NELFB: variants seen among roughly 807,000 people sequenced by gnomAD.
NELFB encodes the protein negative elongation factor complex member B.
NELFB carries 34 observed loss-of-function variants against 60.2 expected under a neutral mutation model. That is an observed-to-expected ratio of 0.56 (90% confidence interval 0.43 to 0.75). NELFB has a LOEUF of 0.75. NELFB is among the 30% of genes least tolerant of loss of function. The pLI, the probability that NELFB is intolerant of heterozygous loss-of-function variation, is 0.00. For synonymous variants in NELFB, 459 were observed against 382.1 expected, an observed-to-expected ratio of 1.20 and a Z score of -2.35; for missense variants, 770 against 831.6, an observed-to-expected ratio of 0.93 and a Z score of 0.91.
intron 10 of NELFB, 41 bp from the exon 11 acceptor site, chr9:137,272,040 C>T (rs1216863874): frequency 6.2e-7 from 1 of 1,611,762 alleles, no homozygotes; most frequent in Non-Finnish European, 8.5e-7. Context: ...CTGGGGTGGG[C>T]AGGGTGAGTG....
chr9:137,258,118 G>GTTT (rs56338605), intron 4 of NELFB, among the ~76,000 whole-genome samples: 2 of 84,464 alleles, frequency 2.4e-5, no homozygotes, highest in African/African-American at 4.8e-5. Context: ...ATTTGTTGGG[G>GTTT]TTTTTTTTTT....
chr9:137,266,101 C>A, intron 7 of NELFB, 122 bp downstream of exon 7: 1 of 833,816 alleles, frequency 1.2e-6, no homozygotes, highest in Non-Finnish European at 1.9e-6. Flanking sequence ...CTGTGGCCGC[C>A]CTGCTGGCTG....
rs181298339 is a variant in NELFB at position 137,260,157 on chromosome 9, C to T, written c.742-2880C>T. On this transcript the variant is annotated intron_variant, in intron 4 of 12. Coordinates refer to ENST00000343053, the MANE Select transcript of NELFB (RefSeq NM_015456.5). ...CTCCGCCTCCCGGGTTCACTCCGTT[C>T]TCCTGCCTCAGCCTCCCGAGTGGCT... Among the ~76,000 whole-genome samples the T allele has an allele frequency of 1.2e-3, 176 of 151,354 alleles. 1 individual carries two copies. In the East Asian group the frequency reaches 0.03, roughly 26 times the overall value.
intron 8 of NELFB, 62 bp from the exon 9 acceptor site, chr9:137,266,882 C>T (rs9330192): frequency 0.74 from 1,166,401 of 1,575,252 alleles, 433,387 homozygotes; most frequent in Admixed American, 0.8. Context: ...GTGTGTGTCA[C>T]GTCAGGGTGG....
chr9:137,267,240 G>A lies in NELFB; in HGVS notation c.1383G>A (p.Lys461=), dbSNP rs1231507355. ...GGGGCTGATGGCGCCCCGGGCGCAG[G>A]TTTCTGCAGGAGCAGCGCATGGCCT... is the stretch of plus-strand genomic sequence containing the variant. The change falls in exon 10 of 13, where the codon AAG becomes AAA. Residue 461 remains lysine, a splice_region_variant and synonymous_variant. Transcript: ENST00000343053. 4 of 1,611,466 alleles carry A rather than the reference G, an allele frequency of 2.5e-6. No individual in the cohort carries two copies. Among genetic ancestry groups the A allele is most frequent in the Non-Finnish European group, 2.5e-6 (3 of 1,178,458 alleles).
rs901412613 is a variant in NELFB, at chr9:137,273,097, C to T, written c.*169C>T. 22 of 691,216 alleles carry T rather than the reference C, an allele frequency of 3.2e-5. No homozygotes were observed. The highest frequency in any genetic ancestry group is 1.9e-4 in the South Asian group (8 of 41,426). The allele number at this position is 691,216 out of a possible 1,614,324, so 42.8% of individuals were successfully genotyped here. On this transcript the variant is annotated 3_prime_UTR_variant, in exon 13 of 13. Transcript: ENST00000343053. ...CTTCCTGCTCCTTGGAGCTGGCTCC[C>T]GGACCTTGCCCACCATCCATGCAGT... is the stretch of plus-strand genomic sequence containing the variant.
At chr9:137,259,900 AT>A (rs1188166723) in intron 4 of NELFB, among the ~76,000 whole-genome samples, 106 of 129,078 alleles carry the variant, frequency 8.2e-4, no homozygotes, top group Admixed American at 7.0e-4. Context: ...AATTTTTTGT[AT>A]TTTTTTTTTT....
At chr9:137,266,231 TG>T in intron 7 of NELFB, 99 bp from the exon 8 acceptor site, 1 of 1,051,788 alleles carries the variant, frequency 9.5e-7, no homozygotes, top group Non-Finnish European at 1.4e-6. Flanking sequence ...GTCCTGGCCA[TG>T]GGCACCAGAG....
chr9:137,272,240 C>T lies in NELFB; in HGVS notation c.1631+18C>T, dbSNP rs748305031. 11 of 1,613,432 alleles carry T rather than the reference C, an allele frequency of 6.8e-6. No individual in the cohort carries two copies. The African/African-American group carries it at 9.3e-5, about 14-fold the overall frequency. ...TCTCCAAGGTAGGCCTGCTGGGTAC[C>T]ATCCGGCCCGCTCTGTCCTCTCAGC... On this transcript the variant is annotated intron_variant, in intron 11 of 12. Transcript: ENST00000343053.
chr9:137,256,324 T>A lies in NELFB; in HGVS notation c.411-5T>A, dbSNP rs751343743. ...CTGCACCATCAATCCTGTGAGTTGTTCCAGGTACAAGAAGCTGGAAGACCT... is the reference window on the plus strand; with the variant it reads ...CTGCACCATCAATCCTGTGAGTTGTACCAGGTACAAGAAGCTGGAAGACCT... On this transcript the variant is annotated splice_region_variant and splice_polypyrimidine_tract_variant and intron_variant, in intron 2 of 12. Coordinates refer to ENST00000343053, the MANE Select transcript of NELFB (RefSeq NM_015456.5). The A allele has an allele frequency of 1.2e-6, 2 of 1,613,470 alleles. No individual in the cohort carries two copies. Among genetic ancestry groups the A allele is most frequent in the South Asian group, 2.2e-5 (2 of 91,070 alleles).
At position 137,257,069 on chromosome 9, in the gene NELFB, C is replaced by G. The variant is rs1554790633; in HGVS notation, c.741+15C>G. The G allele has an allele frequency of 1.2e-6, 2 of 1,604,650 alleles. No individual in the cohort carries two copies. Among genetic ancestry groups the G allele is most frequent in the East Asian group, 2.2e-5 (1 of 44,734 alleles). On this transcript the variant is annotated intron_variant, in intron 4 of 12. Transcript: ENST00000343053. Reference sequence around the variant, plus strand: ...GCCAGGGCGAGGTGAGGGGACAGGCCGTGTGCGGGGTGGGGCACCTCTTGG... The same window carrying G: ...GCCAGGGCGAGGTGAGGGGACAGGCGGTGTGCGGGGTGGGGCACCTCTTGG...
intron 4 of NELFB, among the ~76,000 whole-genome samples, chr9:137,260,427 A>G (rs1447129916): frequency 8.6e-6 from 1 of 116,612 alleles, no homozygotes; most frequent in Non-Finnish European, 1.9e-5. Flanking sequence ...TTAATTTTAT[A>G]TTTTGTTTTA....
chr9:137,263,768 G>A (rs763500215), intron 5 of NELFB, among the ~76,000 whole-genome samples: 1 of 151,992 alleles, frequency 6.6e-6, no homozygotes. Flanking sequence ...TATGACCTAC[G>A]GGCTGGACCT....
intron 10 of NELFB, among the ~76,000 whole-genome samples, chr9:137,268,151 GAT>G (rs1830542407): frequency 6.6e-6 from 1 of 152,168 alleles, no homozygotes; most frequent in Non-Finnish European, 1.5e-5. Context: ...TCCCATGGGA[GAT>G]GGGGCCTCTT....
Position 137,257,262 on chromosome 9 carries a change from T to C in NELFB, c.741+208T>C, listed in dbSNP as rs563209290. Among the ~76,000 whole-genome samples, 8 of 152,384 alleles carry C rather than the reference T, an allele frequency of 5.2e-5. No homozygotes were observed. The East Asian group carries it at 1.5e-3, about 29-fold the overall frequency. On this transcript the variant is annotated intron_variant, in intron 4 of 12. Transcript: ENST00000343053. ...GTTTGCATTTTACTTTTCGTTAAAG[T>C]GATATATGGACAACATTTAAAATCT...
chr9:137,256,352 T>C lies in NELFB; in HGVS notation c.434T>C (p.Leu145Pro). Residue 145 changes from leucine (L) to proline (P), a missense_variant, in exon 3 of 13, where the codon CTG becomes CCG. Physicochemically the swap from Leu to Pro is moderately conservative, Grantham distance 98. Coordinates refer to ENST00000343053, the MANE Select transcript of NELFB (RefSeq NM_015456.5). ...AGGTACAAGAAGCTGGAAGACCTTC[T>C]GGAGAAGAGCTTTTCTCTGGTGAAG... 6.2e-7 allele frequency: 1 copy of C among 1,614,082 alleles called. No homozygotes were observed. Among genetic ancestry groups the C allele is most frequent in the South Asian group, 1.1e-5 (1 of 91,082 alleles).
chr9:137,261,841 T>C (rs975686497), intron 4 of NELFB, among the ~76,000 whole-genome samples: 1 of 151,076 alleles, frequency 6.6e-6, no homozygotes, highest in Non-Finnish European at 1.5e-5. Flanking sequence ...TGGCCCCGAA[T>C]GTCAGGCTGC....
rs371000438 is a variant in NELFB, at chr9:137,265,863, C to T, written c.1041-14C>T. Reference sequence around the variant, plus strand: ...AACAGGCGTCGCATTAATGCCAGGGCGGCCTCCTTCCAGGGACCTGTCCAT... The same window carrying T: ...AACAGGCGTCGCATTAATGCCAGGGTGGCCTCCTTCCAGGGACCTGTCCAT... On this transcript the variant is annotated splice_polypyrimidine_tract_variant and intron_variant, in intron 6 of 12. Transcript: ENST00000343053. The T allele has an allele frequency of 7.6e-6, 12 of 1,582,322 alleles. No individual in the cohort carries two copies. The highest frequency in any genetic ancestry group is 1.7e-4 in the Middle Eastern group (1 of 6,036).
intron 4 of NELFB, among the ~76,000 whole-genome samples, chr9:137,260,026 G>A (rs1159792117): frequency 6.7e-6 from 1 of 150,216 alleles, no homozygotes; most frequent in South Asian, 2.1e-4. Context: ...CACCGTGCCT[G>A]GCCTATTTTT....
Sources: allele counts gnomAD v4.1 joint callset (sites outside exome capture counted in the v4.1 genomes callset), GRCh38; gene constraint gnomAD v4.1.1; transcripts MANE v1.5; gene names NCBI Gene and HGNC (gene_info 2026-07-23, HGNC 2026-07-21).